The following LCLAT1 variants were observed in gnomAD, a reference collection of about 807,000 sequenced individuals.
LCLAT1 encodes 1-AGP acyltransferase 8.
LCLAT1 carries 11 observed loss-of-function variants against 30.7 expected under a neutral mutation model. That is an observed-to-expected ratio of 0.36 (90% confidence interval 0.23 to 0.59). The LOEUF (loss-of-function observed/expected upper bound fraction) is 0.59, where lower values mean the gene tolerates loss of function less well. Among genes scored for constraint, LCLAT1 ranks in the 20% least tolerant of loss-of-function variants. LCLAT1 has a pLI of 0.77. For missense variants in LCLAT1, 402 were observed against 458.6 expected (o/e 0.88, Z 1.13); for synonymous variants, 155 against 151.3 (o/e 1.02, Z -0.18).
At chr2:30,575,878 A>T in intron 5 of LCLAT1, among the ~76,000 whole-genome samples, 1 of 152,148 alleles carries the variant, frequency 6.6e-6, no homozygotes, top group East Asian at 1.9e-4. Flanking sequence ...CTTCAATAGG[A>T]GAAAAATTTT....
At chr2:30,471,980 C>T (rs829564) in intron 1 of LCLAT1, among the ~76,000 whole-genome samples, 133,555 of 152,254 alleles carry the variant, frequency 0.88, 59,022 homozygotes, top group African/African-American at 0.97. Flanking sequence ...TATCCCTGAG[C>T]ATGAAATATG....
chr2:30,562,812 T>G (rs1431093738), intron 4 of LCLAT1, among the ~76,000 whole-genome samples: 1 of 152,234 alleles, frequency 6.6e-6, no homozygotes, highest in Non-Finnish European at 1.5e-5. Context: ...AGGTATTTAT[T>G]TATCCATTAG....
At chr2:30,618,295 A>G (rs549369826) in intron 5 of LCLAT1, among the ~76,000 whole-genome samples, 1 of 152,274 alleles carries the variant, frequency 6.6e-6, no homozygotes, top group East Asian at 1.9e-4. Flanking sequence ...GTTAATTTAT[A>G]CACAGAAGCA....
At chr2:30,577,408 A>G (rs1666045199) in intron 5 of LCLAT1, among the ~76,000 whole-genome samples, 1 of 152,090 alleles carries the variant, frequency 6.6e-6, no homozygotes, top group Non-Finnish European at 1.5e-5. Flanking sequence ...ACATGGGGTA[A>G]ATTCCAAGGA....
At chr2:30,512,910 G>A (rs982252550) in intron 1 of LCLAT1, among the ~76,000 whole-genome samples, 1 of 151,954 alleles carries the variant, frequency 6.6e-6, no homozygotes, top group Non-Finnish European at 1.5e-5. Flanking sequence ...ATTTCTCTGT[G>A]TACTCCTATA....
chr2:30,620,998 C>T (rs1192608808), intron 5 of LCLAT1, among the ~76,000 whole-genome samples: 3 of 152,158 alleles, frequency 2.0e-5, no homozygotes, highest in South Asian at 4.1e-4. Context: ...TTAGAAGACA[C>T]CTGAATCCAC....
At chr2:30,550,213 C>T (rs1271260624) in intron 3 of LCLAT1, among the ~76,000 whole-genome samples, 1 of 152,132 alleles carries the variant, frequency 6.6e-6, no homozygotes, top group Non-Finnish European at 1.5e-5. Context: ...TTTGTAATAA[C>T]AGTACAGAGA....
rs527321869 is a variant in LCLAT1 at position 30,504,386 on chromosome 2, A to G, written c.-4-21201A>G. ...ACATGAGCTTAAACTTCAAATGGGAAGAGATAAATGCTACTCAGTAAACCA... is the reference window on the plus strand; with the variant it reads ...ACATGAGCTTAAACTTCAAATGGGAGGAGATAAATGCTACTCAGTAAACCA... On this transcript the variant is annotated intron_variant, in intron 1 of 5. Transcript: ENST00000379509. Among the ~76,000 whole-genome samples, 126 of 152,272 alleles carry G rather than the reference A, an allele frequency of 8.3e-4. 1 individual carries two copies. Among genetic ancestry groups the G allele is most frequent in the Non-Finnish European group, 1.3e-3 (87 of 68,010 alleles).
chr2:30,578,368 G>A (rs1042160008), intron 5 of LCLAT1, among the ~76,000 whole-genome samples: 1 of 152,134 alleles, frequency 6.6e-6, no homozygotes, highest in African/African-American at 2.4e-5. Context: ...GCCAAAGTCA[G>A]GTAATAAAGT....
chr2:30,470,573 G>A (rs1682727036), intron 1 of LCLAT1, among the ~76,000 whole-genome samples: 1 of 152,212 alleles, frequency 6.6e-6, no homozygotes, highest in Non-Finnish European at 1.5e-5. Flanking sequence ...CAGCTTATGA[G>A]GTTAGAAGCA....
At chr2:30,589,994 A>G (rs996872946) in intron 5 of LCLAT1, among the ~76,000 whole-genome samples, 1 of 152,098 alleles carries the variant, frequency 6.6e-6, no homozygotes, top group African/African-American at 2.4e-5. Flanking sequence ...ATTTTATGGA[A>G]TTTTGTTTTG....
intron 3 of LCLAT1, among the ~76,000 whole-genome samples, chr2:30,551,706 A>G (rs985096709): frequency 6.6e-6 from 1 of 152,166 alleles, no homozygotes. Flanking sequence ...TCTAGCTTCT[A>G]ATGGATGCCT....
At chr2:30,556,801 A>C (rs940858172) in intron 3 of LCLAT1, among the ~76,000 whole-genome samples, 1 of 144,128 alleles carries the variant, frequency 6.9e-6, no homozygotes, top group Non-Finnish European at 1.5e-5. Flanking sequence ...GCTGGAGTGC[A>C]GTGGCACGAT....
At chr2:30,469,574 CTTTTTTTTTTTTT>C (rs199634493) in intron 1 of LCLAT1, among the ~76,000 whole-genome samples, 1 of 103,838 alleles carries the variant, frequency 9.6e-6, no homozygotes, top group Non-Finnish European at 1.9e-5. Flanking sequence ...CAGGTCTCTT[CTTTTTTTTTTTTT>C]TTTTTTTTTG....
In LCLAT1 at chr2:30,640,367, T is replaced by G. The variant is rs190394850; in HGVS notation, c.879T>G (p.Ser293Arg). Residue 293 changes from serine to arginine, a missense_variant, in exon 6 of 6, where the codon AGT (serine) becomes AGG (arginine). Coordinates refer to ENST00000379509, the MANE Select transcript of LCLAT1 (RefSeq NM_001002257.3). The part of the protein sequence containing the change: ...GEKNFYFTGQ[S>R]VIPPCKSELR... ...AGAATTTTTATTTTACCGGACAGAG[T>G]GTCATTCCACCTTGCAAGTCTGAAC... is the stretch of plus-strand genomic sequence containing the variant. The G allele has an allele frequency of 6.2e-7, 1 of 1,614,128 alleles. No homozygotes were observed. Among genetic ancestry groups the G allele is most frequent in the African/African-American group, 1.3e-5 (1 of 75,030 alleles).
chr2:30,577,733 T>TG (rs1666056324), intron 5 of LCLAT1, among the ~76,000 whole-genome samples: 1 of 152,094 alleles, frequency 6.6e-6, no homozygotes, highest in African/African-American at 2.4e-5. Flanking sequence ...TATTTTTCCT[T>TG]GGGGAAAAAA....
At chr2:30,562,097 A>C (rs368421909) in intron 3 of LCLAT1, 49 bp from the exon 4 acceptor site, 19 of 1,383,948 alleles carry the variant, frequency 1.4e-5, no homozygotes, top group Non-Finnish European at 1.8e-5. Context: ...TAATATGTGG[A>C]TATTGGCAAT....
chr2:30,554,795 A>G (rs1004817525), intron 3 of LCLAT1, among the ~76,000 whole-genome samples: 8 of 152,198 alleles, frequency 5.3e-5, no homozygotes, highest in Admixed American at 6.5e-5. Context: ...GTAGCTGACA[A>G]ATTAGTTAGA....
chr2:30,453,140 C>T (rs986755965), intron 1 of LCLAT1, among the ~76,000 whole-genome samples: 2 of 152,028 alleles, frequency 1.3e-5, no homozygotes, highest in Admixed American at 6.6e-5. Context: ...TTTATATAAG[C>T]GTATATAGTT....
Sources: allele counts gnomAD v4.1 joint callset (sites outside exome capture counted in the v4.1 genomes callset), GRCh38; gene constraint gnomAD v4.1.1; transcripts MANE v1.5; gene names NCBI Gene and HGNC (gene_info 2026-07-23, HGNC 2026-07-21).